The following ZNF423 variants were observed in gnomAD, a reference collection of about 807,000 sequenced individuals.
ZNF423 encodes the protein zinc finger protein 423.
In ZNF423, 12 loss-of-function variants were observed where a neutral mutation model predicts 95.8. The observed-to-expected ratio is 0.13, with a 90% confidence interval of 0.08 to 0.20. The LOEUF (loss-of-function observed/expected upper bound fraction) is 0.20. Among genes scored for constraint, ZNF423 ranks in the 10% least tolerant of loss-of-function variants. The pLI is 1.00. For missense variants in ZNF423, 1,316 were observed against 1,737.1 expected, an observed-to-expected ratio of 0.76 and a Z score of 4.31; for synonymous variants, 749 against 711.9, an observed-to-expected ratio of 1.05 and a Z score of -0.83.
At chr16:49,792,823 G>A (rs1001739733) in intron 1 of ZNF423, among the ~76,000 whole-genome samples, 3 of 152,204 alleles carry the variant, frequency 2.0e-5, no homozygotes, top group African/African-American at 7.2e-5. Flanking sequence ...GCAGTGGTGC[G>A]ATCATAGCTC....
chr16:49,838,154 T>C (rs376204300), intron 1 of ZNF423, among the ~76,000 whole-genome samples: 3 of 152,206 alleles, frequency 2.0e-5, no homozygotes, highest in East Asian at 3.9e-4. Flanking sequence ...TCTTCATCTG[T>C]AATTTACTGG....
chr16:49,847,744 C>T (rs1273956492), intron 1 of ZNF423: 1 of 152,042 alleles, frequency 6.6e-6, no homozygotes, highest in Non-Finnish European at 1.5e-5. Context: ...CCTAATCCAC[C>T]ATCATTTGGG....
At chr16:49,854,238 G>T in intron 1 of ZNF423, 2 of 985,406 alleles carry the variant, frequency 2.0e-6, no homozygotes, top group African/African-American at 1.7e-5. Context: ...ACTTCTCTCA[G>T]GGAAAAGGAG....
At chr16:49,615,128 TCTCACA>T (rs928333653) in intron 5 of ZNF423, among the ~76,000 whole-genome samples, 8 of 98,452 alleles carry the variant, frequency 8.1e-5, no homozygotes, top group African/African-American at 2.6e-4. Flanking sequence ...AGAAACTCCA[TCTCACA>T]CACACACACA....
intron 1 of ZNF423, among the ~76,000 whole-genome samples, chr16:49,845,939 T>C (rs1232612362): frequency 6.6e-6 from 1 of 151,954 alleles, no homozygotes; most frequent in Non-Finnish European, 1.5e-5. Flanking sequence ...AGGCAGGACA[T>C]GGGGCTGCTG....
chr16:49,768,635 C>T (rs755226466), intron 2 of ZNF423, among the ~76,000 whole-genome samples: 1 of 152,136 alleles, frequency 6.6e-6, no homozygotes, highest in Admixed American at 6.5e-5. Flanking sequence ...TCCTCATCAT[C>T]CCATCCTTCA....
intron 3 of ZNF423, among the ~76,000 whole-genome samples, chr16:49,671,220 C>T (rs2030793121): frequency 6.6e-6 from 1 of 152,184 alleles, no homozygotes; most frequent in Admixed American, 6.5e-5. Context: ...GCAGTGCCCT[C>T]CAACACAAGG....
At chr16:49,665,897 G>T (rs1023669596) in intron 3 of ZNF423, among the ~76,000 whole-genome samples, 6 of 152,134 alleles carry the variant, frequency 3.9e-5, no homozygotes, top group Admixed American at 2.0e-4. Flanking sequence ...CTCAAGAAAA[G>T]GGCATGGAAA....
rs774415609 is a variant in ZNF423 at position 49,790,189 on chromosome 16, T to C, written c.41-643A>G. On this transcript the variant is annotated intron_variant, in intron 1 of 7. Transcript: ENST00000563137. ...AATCCCAGTCTGGGGCATGTAATAA[T>C]ATTAAAGCTGGGTTATGGACTTTGT... 5.5e-4 allele frequency among the ~76,000 whole-genome samples: 83 copies of C among 152,248 alleles called. 3 individuals carry two copies. Among genetic ancestry groups the C allele is most frequent in the Non-Finnish European group, 1.2e-4 (8 of 68,052 alleles).
At chr16:49,565,786 T>A (rs886495806) in intron 5 of ZNF423, among the ~76,000 whole-genome samples, 2 of 151,728 alleles carry the variant, frequency 1.3e-5, no homozygotes, top group Non-Finnish European at 2.9e-5. Context: ...CCTTCAGGCA[T>A]CCAACACAAT....
At chr16:49,674,782 C>T (rs983697712) in intron 3 of ZNF423, among the ~76,000 whole-genome samples, 4 of 152,154 alleles carry the variant, frequency 2.6e-5, no homozygotes, top group Non-Finnish European at 5.9e-5. Flanking sequence ...CACCAGGGGA[C>T]TCTGCGGTCT....
intron 1 of ZNF423, among the ~76,000 whole-genome samples, chr16:49,821,252 T>C (rs1376525372): frequency 2.3e-5 from 1 of 43,834 alleles, no homozygotes; most frequent in East Asian, 5.1e-4. Context: ...CCCCACAGGG[T>C]GGTGGGGCGG....
intron 1 of ZNF423, among the ~76,000 whole-genome samples, chr16:49,820,604 G>A (rs1343367240): frequency 6.6e-6 from 1 of 152,132 alleles, no homozygotes; most frequent in Non-Finnish European, 1.5e-5. Flanking sequence ...GATTTTGTGT[G>A]CACCTTGGTT....
intron 7 of ZNF423, among the ~76,000 whole-genome samples, chr16:49,499,154 C>T (rs533936978): frequency 6.6e-6 from 1 of 152,212 alleles, no homozygotes; most frequent in South Asian, 2.1e-4. Flanking sequence ...GTGTGACACC[C>T]AACCCTGGCC....
intron 2 of ZNF423, among the ~76,000 whole-genome samples, chr16:49,751,078 G>A (rs2033625719): frequency 2.0e-5 from 3 of 152,264 alleles, no homozygotes; most frequent in South Asian, 2.1e-4. Context: ...CCCCTCAAGC[G>A]GCCCAGAGTC....
At chr16:49,709,311 G>A (rs1030398911) in intron 3 of ZNF423, among the ~76,000 whole-genome samples, 2 of 151,844 alleles carry the variant, frequency 1.3e-5, no homozygotes, top group African/African-American at 4.8e-5. Context: ...TTCTCAGCAG[G>A]TGCCACCCTG....
chr16:49,697,871 T>C (rs1237946195), intron 3 of ZNF423, among the ~76,000 whole-genome samples: 6 of 152,250 alleles, frequency 3.9e-5, no homozygotes, highest in Non-Finnish European at 7.3e-5. Context: ...CAGCCCATTG[T>C]TGGGGAGCAA....
intron 2 of ZNF423, among the ~76,000 whole-genome samples, chr16:49,775,490 T>C (rs191387771): frequency 4.2e-4 from 64 of 152,310 alleles, no homozygotes; most frequent in Middle Eastern, 3.4e-3. Context: ...TTAGCACTTA[T>C]TGGGGACATG....
chr16:49,734,040 TCCTGAAGTC>T (rs1351631777), intron 2 of ZNF423, among the ~76,000 whole-genome samples: 5 of 152,220 alleles, frequency 3.3e-5, no homozygotes, highest in African/African-American at 1.2e-4. Context: ...AGCACACCTT[TCCTGAAGTC>T]CCTGGGCCTG....
Sources: gnomAD v4.1 joint callset for allele counts (sites outside exome capture counted in the v4.1 genomes callset) on GRCh38, gnomAD v4.1.1 for gene constraint, MANE v1.5 for transcripts, NCBI Gene and HGNC (gene_info 2026-07-23, HGNC 2026-07-21) for gene names.